The following BCAS2 variants were observed in gnomAD, a reference collection of about 807,000 sequenced individuals.
BCAS2 encodes BCAS2 pre-mRNA processing factor, also known as pre-mRNA-splicing factor SPF27.
A neutral mutation model predicts 35.3 loss-of-function variants in BCAS2; 34 were observed. The ratio of observed to expected loss-of-function variants is 0.96; its 90% CI spans 0.73 to 1.28. BCAS2 has a LOEUF of 1.28. BCAS2 is among the 50% of genes most tolerant of loss of function. The pLI is 0.00. For missense variants in BCAS2, 221 were observed against 268.1 expected, an observed-to-expected ratio of 0.82 and a Z score of 1.23; for synonymous variants, 75 against 91.6, an observed-to-expected ratio of 0.82 and a Z score of 1.03.
At chr1:114,580,642 T>C (rs1196269297) in intron 2 of BCAS2, among the ~76,000 whole-genome samples, 1 of 152,164 alleles carries the variant, frequency 6.6e-6, no homozygotes, top group Non-Finnish European at 1.5e-5. Context: ...AGGATGTTTG[T>C]CTTAAATAAA....
At chr1:114,572,610 A>G (rs1327951684) in intron 4 of BCAS2, among the ~76,000 whole-genome samples, 1 of 152,230 alleles carries the variant, frequency 6.6e-6, no homozygotes, top group Non-Finnish European at 1.5e-5. Context: ...GAGGGAGACA[A>G]TACTAGAAGC....
chr1:114,576,239 CTCTCTCTCTA>C (rs1373459436), intron 3 of BCAS2, among the ~76,000 whole-genome samples: 3 of 146,106 alleles, frequency 2.1e-5, no homozygotes, highest in Non-Finnish European at 1.5e-5. Context: ...CTCTCTCTCT[CTCTCTCTCTA>C]TATATATATA....
rs1333256340 is a variant in BCAS2 at position 114,575,880 on chromosome 1, CAAT to C, written c.258-132_258-130del. ...CAGAAGACTAAGGATGTAAACCTTG[CAAT>C]AATAAGAAACCGATATATGCTAACA... is the stretch of plus-strand genomic sequence containing the variant. On this transcript the variant is annotated intron_variant, in intron 3 of 6. Coordinates refer to ENST00000369541, the MANE Select transcript of BCAS2 (RefSeq NM_005872.3). The C allele has an allele frequency of 1.4e-5, 14 of 993,518 alleles. No homozygotes were observed. The East Asian group carries it at 2.0e-4, about 14-fold the overall frequency. 61.5% of individuals were successfully genotyped at this position (993,518 alleles called of 1,614,324 possible).
At chr1:114,576,222 C>CCTCTCT (rs71580638) in intron 3 of BCAS2, among the ~76,000 whole-genome samples, 213 of 135,064 alleles carry the variant, frequency 1.6e-3, no homozygotes, top group African/African-American at 4.8e-3. Context: ...TTCAACACTG[C>CCTCTCT]CTCTCTCTCT....
intron 2 of BCAS2, among the ~76,000 whole-genome samples, chr1:114,580,524 AC>A (rs1162837744): frequency 1.3e-5 from 2 of 152,162 alleles, no homozygotes; most frequent in Non-Finnish European, 2.9e-5. Context: ...TAGGTCCTTT[AC>A]ATATTATTAC....
At chr1:114,579,756 C>T (rs1276086403) in intron 2 of BCAS2, among the ~76,000 whole-genome samples, 1 of 151,966 alleles carries the variant, frequency 6.6e-6, no homozygotes, top group Non-Finnish European at 1.5e-5. Flanking sequence ...ATCCCAGCTA[C>T]TCGGGAGGCT....
chr1:114,571,346 C>G (rs1654636809), intron 4 of BCAS2, among the ~76,000 whole-genome samples: 1 of 152,060 alleles, frequency 6.6e-6, no homozygotes, highest in Admixed American at 6.6e-5. Context: ...CAGGCGTGAG[C>G]CACTGTACCC....
rs1359319518 is a variant in BCAS2 at position 114,575,582 on chromosome 1, G to C, written c.419+8C>G. 5.1e-6 allele frequency: 8 copies of C among 1,578,900 alleles called. No individual in the cohort carries two copies. In the African/African-American group the frequency reaches 5.5e-5, roughly 11 times the overall value. ...AAAAAAACAGAAGATGAAGAAAAAG[G>C]TTCTTACTCATTGTATACTTTCCAG... On this transcript the variant is annotated splice_region_variant and intron_variant, in intron 4 of 6. Transcript: ENST00000369541.
Position 114,568,014 on chromosome 1 carries a change from C to G in BCAS2, c.*116G>C. 7.3e-7 allele frequency: 1 copy of G among 1,379,038 alleles called. No individual in the cohort carries two copies. Among genetic ancestry groups the G allele is most frequent in the Non-Finnish European group, 1.0e-6 (1 of 1,001,700 alleles). 85.4% of individuals were successfully genotyped at this position (1,379,038 alleles called of 1,614,324 possible). A position where few individuals can be genotyped will look rare whatever the true frequency, so the allele number is the denominator to read the frequency against. ...CAGCAGCCTACACCTTCTATGATTT[C>G]TAAACACTTAAACATCAATGGTTTT... is the stretch of plus-strand genomic sequence containing the variant. On this transcript the variant is annotated 3_prime_UTR_variant, in exon 7 of 7. Transcript: ENST00000369541.
At chr1:114,578,180 C>T (rs1035762712) in intron 2 of BCAS2, among the ~76,000 whole-genome samples, 1 of 151,302 alleles carries the variant, frequency 6.6e-6, no homozygotes, top group African/African-American at 2.4e-5. Flanking sequence ...CAGAGTGAGA[C>T]TTCATCTCAA....
intron 5 of BCAS2, 94 bp downstream of exon 5, chr1:114,570,605 TC>T: frequency 4.6e-6 from 4 of 861,850 alleles, no homozygotes; most frequent in Non-Finnish European, 7.3e-6. Flanking sequence ...TTTACTTTCA[TC>T]TGGCTGCAGT....
chr1:114,570,643 T>A, intron 5 of BCAS2, 57 bp downstream of exon 5: 5 of 1,186,536 alleles, frequency 4.2e-6, no homozygotes, highest in Non-Finnish European at 6.0e-6. Flanking sequence ...TCCTCCTATT[T>A]TCTATTTATT....
chr1:114,570,153 T>TATCTTA, intron 5 of BCAS2, 81 bp from the exon 6 acceptor site: 3 of 938,584 alleles, frequency 3.2e-6, no homozygotes, highest in African/African-American at 3.3e-5. Context: ...CACAAGAGAA[T>TATCTTA]ATCTTAATCC....
At chr1:114,577,968 G>A (rs1041490994) in intron 2 of BCAS2, among the ~76,000 whole-genome samples, 5 of 152,182 alleles carry the variant, frequency 3.3e-5, no homozygotes, top group Admixed American at 6.5e-5. Flanking sequence ...CGAGGTGGGT[G>A]GATCACGAGG....
chr1:114,578,064 G>A (rs918883647), intron 2 of BCAS2, among the ~76,000 whole-genome samples: 3 of 152,080 alleles, frequency 2.0e-5, no homozygotes, highest in Admixed American at 6.5e-5. Flanking sequence ...GATGGCACGT[G>A]CCTGTAATCC....
chr1:114,576,849 C>T (rs1654780194), intron 2 of BCAS2, 91 bp from the exon 3 acceptor site: 1 of 893,318 alleles, frequency 1.1e-6, no homozygotes, highest in African/African-American at 1.7e-5. Flanking sequence ...CTACACTACC[C>T]ATTATAATGA....
intron 6 of BCAS2, among the ~76,000 whole-genome samples, chr1:114,569,301 GAATGACTTGAGT>G (rs1272376063): frequency 6.6e-6 from 1 of 151,824 alleles, no homozygotes; most frequent in Non-Finnish European, 1.5e-5. Flanking sequence ...GGTGGAACAA[GAATGACTTGAGT>G]AATGAAGGGA....
chr1:114,581,076 T>G (rs1570743719), intron 2 of BCAS2, among the ~76,000 whole-genome samples: 1 of 152,196 alleles, frequency 6.6e-6, no homozygotes, highest in Admixed American at 6.6e-5. Context: ...CACAAATTTT[T>G]GCATTAAGTG....
At chr1:114,573,692 C>G (rs1353932566) in intron 4 of BCAS2, among the ~76,000 whole-genome samples, 1 of 152,164 alleles carries the variant, frequency 6.6e-6, no homozygotes, top group Non-Finnish European at 1.5e-5. Flanking sequence ...TTTTGTGAAA[C>G]AGATTTATTG....
Sources: allele counts gnomAD v4.1 joint callset (sites outside exome capture counted in the v4.1 genomes callset), GRCh38; gene constraint gnomAD v4.1.1; transcripts MANE v1.5; gene names NCBI Gene and HGNC (gene_info 2026-07-23, HGNC 2026-07-21).